The following DIP2C variants were observed in gnomAD, a reference collection of about 807,000 sequenced individuals.
DIP2C encodes DIP2 acetate--CoA ligase C (putative), also known as disco-interacting protein 2 homolog C.
Under a neutral mutation model 192.4 loss-of-function variants are expected in DIP2C, and 33 were observed. The ratio of observed to expected loss-of-function variants is 0.17; its 90% CI spans 0.13 to 0.23. The LOEUF (loss-of-function observed/expected upper bound fraction) is 0.23, where lower values mean the gene tolerates loss of function less well. DIP2C is among the 10% of genes least tolerant of loss of function. The pLI is 1.00. For synonymous variants in DIP2C, 979 were observed against 864.1 expected, an observed-to-expected ratio of 1.13 and a Z score of -2.33; for missense variants, 1,537 against 2,110.1, an observed-to-expected ratio of 0.73 and a Z score of 5.32.
In DIP2C at chr10:353,737, A is replaced by G. The variant is rs145166252; in HGVS notation, c.2985+2689T>C. Among the ~76,000 whole-genome samples, 13 of 152,288 alleles carry G rather than the reference A, an allele frequency of 8.5e-5. No homozygotes were observed. In the East Asian group the frequency reaches 2.1e-3, roughly 25 times the overall value. On this transcript the variant is annotated intron_variant, in intron 24 of 36. Transcript: ENST00000280886. The stretch of plus-strand genomic sequence containing the variant: ...CCAGCAAGACCGGGCCAAATTCATC[A>G]TCAGCAGAAACGTGCATCCTTGATG...
At chr10:507,678 A>C (rs756899999) in intron 1 of DIP2C, among the ~76,000 whole-genome samples, 4 of 152,242 alleles carry the variant, frequency 2.6e-5, no homozygotes, top group East Asian at 1.9e-4. Flanking sequence ...TCCGTCTTTG[A>C]AAACGATACA....
intron 10 of DIP2C, among the ~76,000 whole-genome samples, chr10:393,070 G>A (rs944752274): frequency 5.3e-5 from 8 of 152,212 alleles, no homozygotes; most frequent in Admixed American, 2.0e-4. Flanking sequence ...ACAGGCCTCA[G>A]TCCTCTGTCC....
intron 28 of DIP2C, among the ~76,000 whole-genome samples, chr10:341,663 G>C (rs1048261083): frequency 6.6e-6 from 1 of 152,240 alleles, no homozygotes; most frequent in South Asian, 2.1e-4. Context: ...CAATAAAGCC[G>C]CATTAAATGC....
At chr10:371,216 A>G (rs1323633508) in intron 17 of DIP2C, among the ~76,000 whole-genome samples, 1 of 151,262 alleles carries the variant, frequency 6.6e-6, no homozygotes, top group African/African-American at 2.4e-5. Flanking sequence ...CTCACCCTAC[A>G]AGAGTCCTCT....
intron 2 of DIP2C, among the ~76,000 whole-genome samples, chr10:483,183 C>G (rs190509209): frequency 6.4e-4 from 98 of 152,274 alleles, no homozygotes; most frequent in Admixed American, 3.0e-3. Flanking sequence ...CCTAGAAACA[C>G]TTTTAGAATA....
chr10:679,652 C>T (rs1831057754), intron 1 of DIP2C, among the ~76,000 whole-genome samples: 3 of 150,718 alleles, frequency 2.0e-5, no homozygotes, highest in Admixed American at 1.3e-4. Flanking sequence ...CCCGTGCTCC[C>T]CGCACTCGTC....
intron 1 of DIP2C, among the ~76,000 whole-genome samples, chr10:519,363 G>A (rs879722365): frequency 2.2e-4 from 33 of 152,364 alleles, no homozygotes; most frequent in Non-Finnish European, 3.8e-4. Flanking sequence ...GATGGGTCAT[G>A]CCCAAAGCCT....
intron 1 of DIP2C, among the ~76,000 whole-genome samples, chr10:529,175 G>C (rs113243509): frequency 6.6e-6 from 1 of 152,320 alleles, no homozygotes; most frequent in Non-Finnish European, 1.5e-5. Flanking sequence ...TCATAGATGG[G>C]AACTGGGACA....
At chr10:530,980 T>TGC (rs1387781002) in intron 1 of DIP2C, among the ~76,000 whole-genome samples, 2 of 152,162 alleles carry the variant, frequency 1.3e-5, no homozygotes, top group African/African-American at 2.4e-5. Context: ...CCTGGGACCC[T>TGC]GCAGGCAGCC....
chr10:308,640 C>A (rs1283339765), intron 32 of DIP2C, among the ~76,000 whole-genome samples: 3 of 152,260 alleles, frequency 2.0e-5, no homozygotes, highest in Non-Finnish European at 4.4e-5. Context: ...GTGTTCCAGA[C>A]TGAACTTTGT....
At chr10:637,670 C>T (rs1325097527) in intron 1 of DIP2C, among the ~76,000 whole-genome samples, 1 of 152,202 alleles carries the variant, frequency 6.6e-6, no homozygotes, top group East Asian at 1.9e-4. Context: ...TGGGGAGACA[C>T]AAACATTACA....
At chr10:380,432 C>T (rs992136596) in intron 17 of DIP2C, among the ~76,000 whole-genome samples, 5 of 149,044 alleles carry the variant, frequency 3.4e-5, no homozygotes, top group Admixed American at 1.3e-4. Flanking sequence ...ATGTTTAACA[C>T]GCAGAAGAGG....
intron 29 of DIP2C, among the ~76,000 whole-genome samples, chr10:333,437 A>AT (rs1222882351): frequency 6.6e-6 from 1 of 152,166 alleles, no homozygotes; most frequent in African/African-American, 2.4e-5. Flanking sequence ...TTTTCTGGAC[A>AT]CTGCCTACCA....
chr10:384,066 A>T lies in DIP2C; in HGVS notation c.1837T>A (p.Ser613Thr). Residue 613 changes from serine to threonine, a missense_variant, in exon 16 of 37, where the codon TCT (serine) becomes ACT (threonine). Around this residue, in one of 4 missense-constraint regions of DIP2C, gnomAD observed 677 missense variants for 989.9 expected, o/e 0.68. Transcript: ENST00000280886. ...HRDQRDINLS[S>T]LRMLIVADGA... ...TCCGCCACTATCAGCATTCGCAGAG[A>T]GGAGAGGTTGATGTCTCTCTGATCT... The T allele has an allele frequency of 6.2e-7, 1 of 1,611,164 alleles. No homozygotes were observed. Among genetic ancestry groups the T allele is most frequent in the Non-Finnish European group, 8.5e-7 (1 of 1,179,198 alleles).
intron 1 of DIP2C, among the ~76,000 whole-genome samples, chr10:493,915 G>A (rs1258792592): frequency 6.6e-6 from 1 of 152,228 alleles, no homozygotes; most frequent in Non-Finnish European, 1.5e-5. Flanking sequence ...AGAACCGCCT[G>A]GCCCAGTGCC....
intron 1 of DIP2C, among the ~76,000 whole-genome samples, chr10:600,850 TGGCCATCTG>T (rs1195368747): frequency 2.5e-3 from 383 of 152,388 alleles, no homozygotes; most frequent in Middle Eastern, 0.01. Context: ...ATCAGGTCTT[TGGCCATCTG>T]GTCAAAGCTT....
intron 1 of DIP2C, among the ~76,000 whole-genome samples, chr10:557,771 TGGGCGGGGAGG>T (rs1036381314): frequency 4.4e-5 from 1 of 22,786 alleles, no homozygotes. Flanking sequence ...AGGGGGAGGA[TGGGCGGGGAGG>T]GGGCGGGGGC....
intron 1 of DIP2C, among the ~76,000 whole-genome samples, chr10:536,442 G>A (rs534642725): frequency 8.6e-5 from 13 of 150,848 alleles, no homozygotes; most frequent in Non-Finnish European, 1.3e-4. Context: ...TCACAGTCCC[G>A]GGGGCTAGAG....
chr10:572,002 C>A (rs1849845851), intron 1 of DIP2C, among the ~76,000 whole-genome samples: 1 of 152,230 alleles, frequency 6.6e-6, no homozygotes, highest in South Asian at 2.1e-4. Flanking sequence ...TTTGCGAAAT[C>A]TAAGCAACAT....
Sources: gnomAD v4.1 joint callset for allele counts (sites outside exome capture counted in the v4.1 genomes callset) on GRCh38, gnomAD v4.1.1 for gene constraint, gnomAD v4.1.1 regional missense constraint, MANE v1.5 for transcripts, NCBI Gene and HGNC (gene_info 2026-07-23, HGNC 2026-07-21) for gene names.